LRRN1: variants seen among roughly 807,000 people sequenced by gnomAD.
The protein encoded by LRRN1 is leucine-rich repeat neuronal protein 1.
LRRN1 carries 14 observed loss-of-function variants against 45.8 expected under a neutral mutation model. The observed-to-expected ratio is 0.31, with a 90% confidence interval of 0.20 to 0.48. The LOEUF (loss-of-function observed/expected upper bound fraction) is 0.48, where lower values mean the gene tolerates loss of function less well. LRRN1 is among the 20% of genes least tolerant of loss of function. LRRN1 has a pLI of 0.99. For missense variants in LRRN1, 789 were observed against 874.2 expected, an observed-to-expected ratio of 0.90 and a Z score of 1.23; for synonymous variants, 359 against 330.1, an observed-to-expected ratio of 1.09 and a Z score of -0.95.
At chr3:3,844,189 G>A (rs1251557997) in intron 1 of LRRN1, among the ~76,000 whole-genome samples, 175 bp from the exon 2 acceptor site, 2 of 152,010 alleles carry the variant, frequency 1.3e-5, no homozygotes, top group Non-Finnish European at 2.9e-5. Context: ...ATAGTAAGTG[G>A]GATATAGTAA....
At chr3:3,820,200 G>A (rs1471738094) in intron 1 of LRRN1, among the ~76,000 whole-genome samples, 1 of 152,132 alleles carries the variant, frequency 6.6e-6, no homozygotes, top group Non-Finnish European at 1.5e-5. Flanking sequence ...CATTGTCCAA[G>A]AATGTGATCT....
chr3:3,846,711 T>G lies in LRRN1; in HGVS notation c.2070T>G (p.Gly690=), dbSNP rs775958408. 6.9e-5 allele frequency: 111 copies of G among 1,613,790 alleles called. 1 individual carries two copies. The highest frequency in any genetic ancestry group is 8.8e-5 in the Non-Finnish European group (104 of 1,180,014). Residue 690 remains glycine (G), a synonymous_variant, in exon 2 of 2, where the codon GGT becomes GGG. Transcript: ENST00000319331. This position sits in a 1 kb window ranked among gnomAD's most constrained non-coding sequence, Gnocchi z 5.7. ...CACCACTCATTAACCTCTGGGAAGGTGACAGCGAGAAAGACAAAGATGGTT... is the reference window on the plus strand; with the variant it reads ...CACCACTCATTAACCTCTGGGAAGGGGACAGCGAGAAAGACAAAGATGGTT... ...LYPPLINLWE[G]DSEKDKDGSA...
chr3:3,803,234 G>C (rs1313821661), intron 1 of LRRN1, among the ~76,000 whole-genome samples: 4 of 152,100 alleles, frequency 2.6e-5, no homozygotes, highest in African/African-American at 7.2e-5. Flanking sequence ...GAATATACTA[G>C]GTACTAAAGA....
chr3:3,819,070 T>A (rs1171524922), intron 1 of LRRN1, among the ~76,000 whole-genome samples: 2 of 152,082 alleles, frequency 1.3e-5, no homozygotes, highest in Non-Finnish European at 2.9e-5. Context: ...CACAGCTCAC[T>A]TGCAGCCTTG....
Position 3,844,827 on chromosome 3 carries a change from C to T in LRRN1, c.186C>T (p.Arg62=). 1 of 1,614,192 alleles carries T rather than the reference C, an allele frequency of 6.2e-7. No individual in the cohort carries two copies. The highest frequency in any genetic ancestry group is 8.5e-7 in the Non-Finnish European group (1 of 1,180,028). Residue 62 remains arginine, a synonymous_variant, in exon 2 of 2, where the codon CGC becomes CGT. Coordinates refer to ENST00000319331, the MANE Select transcript of LRRN1 (RefSeq NM_020873.7). ...CCACTGTTGATTGCAATGACCTCCG[C>T]TTAACAAGGATTCCCAGTAACCTCT... ...EATTVDCNDL[R]LTRIPSNLSS...
At chr3:3,836,749 G>C (rs1317539528) in intron 1 of LRRN1, among the ~76,000 whole-genome samples, 1 of 152,138 alleles carries the variant, frequency 6.6e-6, no homozygotes, top group Non-Finnish European at 1.5e-5. Flanking sequence ...GGGATATGGG[G>C]GGTGGTACAA....
intron 1 of LRRN1, among the ~76,000 whole-genome samples, chr3:3,820,647 T>C (rs550779698): frequency 1.3e-5 from 2 of 152,302 alleles, no homozygotes; most frequent in East Asian, 3.9e-4. Flanking sequence ...ACTTTACGAG[T>C]CCATACACCT....
At chr3:3,826,209 A>T (rs1002469575) in intron 1 of LRRN1, among the ~76,000 whole-genome samples, 1 of 152,192 alleles carries the variant, frequency 6.6e-6, no homozygotes, top group African/African-American at 2.4e-5. Context: ...AAGAGGAAGA[A>T]AAAAGAAGGG....
At chr3:3,803,578 G>T (rs1469341339) in intron 1 of LRRN1, among the ~76,000 whole-genome samples, 5 of 152,114 alleles carry the variant, frequency 3.3e-5, no homozygotes, top group Admixed American at 3.3e-4. Flanking sequence ...AAATTCCATT[G>T]TAGAATCATA....
chr3:3,813,819 CCCAGCAGGGAGGGAA>C (rs1692932071), intron 1 of LRRN1, among the ~76,000 whole-genome samples: 1 of 152,098 alleles, frequency 6.6e-6, no homozygotes, highest in African/African-American at 2.4e-5. Flanking sequence ...TGCCTATTGA[CCCAGCAGGGAGGGAA>C]CCAGGAGGAG....
At chr3:3,820,772 C>G (rs950714683) in intron 1 of LRRN1, among the ~76,000 whole-genome samples, 6 of 152,180 alleles carry the variant, frequency 3.9e-5, no homozygotes, top group African/African-American at 1.2e-4. Context: ...CACTTGCAGG[C>G]TAGTCACTGT....
At chr3:3,811,649 G>A (rs750754585) in intron 1 of LRRN1, among the ~76,000 whole-genome samples, 1 of 152,126 alleles carries the variant, frequency 6.6e-6, no homozygotes, top group African/African-American at 2.4e-5. Flanking sequence ...ATAGAAAGTT[G>A]AACTCATTTG....
At chr3:3,826,641 A>C (rs1464129916) in intron 1 of LRRN1, among the ~76,000 whole-genome samples, 3 of 152,104 alleles carry the variant, frequency 2.0e-5, no homozygotes, top group East Asian at 3.9e-4. Context: ...TCTTCCTCTC[A>C]TACGACCCTC....
rs1693643777 is a variant in LRRN1 at position 3,841,167 on chromosome 3, T to C, written c.-278-3197T>C. On this transcript the variant is annotated intron_variant, in intron 1 of 1. Coordinates refer to ENST00000319331, the MANE Select transcript of LRRN1 (RefSeq NM_020873.7). ...ACAATTAGGTGTGGTGGCACGTGCC[T>C]GTAGTCCCAGCTACTCACAAGGCTA... 2.0e-5 allele frequency among the ~76,000 whole-genome samples: 3 copies of C among 151,888 alleles called. No individual in the cohort carries two copies. The South Asian group carries it at 6.2e-4, about 32-fold the overall frequency.
chr3:3,800,247 G>C (rs1176885622), intron 1 of LRRN1, among the ~76,000 whole-genome samples: 8 of 152,060 alleles, frequency 5.3e-5, no homozygotes. Flanking sequence ...GATTTCAGGG[G>C]CCGACCAGGG....
At chr3:3,836,578 G>A (rs753651606) in intron 1 of LRRN1, among the ~76,000 whole-genome samples, 3 of 152,158 alleles carry the variant, frequency 2.0e-5, no homozygotes, top group Non-Finnish European at 2.9e-5. Flanking sequence ...GTTTGTGTGT[G>A]TGTATGTAGT....
chr3:3,814,059 G>C (rs138675608), intron 1 of LRRN1, among the ~76,000 whole-genome samples: 1 of 151,750 alleles, frequency 6.6e-6, no homozygotes, highest in African/African-American at 2.4e-5. Context: ...TGCCTCTCTA[G>C]TTATATTTCC....
intron 1 of LRRN1, among the ~76,000 whole-genome samples, chr3:3,815,577 AAACT>A (rs1262312571): frequency 3.9e-5 from 6 of 152,194 alleles, no homozygotes; most frequent in African/African-American, 7.2e-5. Context: ...AAGTGAAAAT[AAACT>A]AACTACTTGC....
intron 1 of LRRN1, among the ~76,000 whole-genome samples, chr3:3,802,464 C>T (rs1022579777): frequency 4.6e-5 from 7 of 152,262 alleles, no homozygotes; most frequent in Non-Finnish European, 8.8e-5. Context: ...ACCCCCCCAA[C>T]CCCCGCCAGA....
Sources: gnomAD v4.1 joint callset for allele counts (sites outside exome capture counted in the v4.1 genomes callset) on GRCh38, gnomAD v4.1.1 for gene constraint, Gnocchi (gnomAD v3.1) non-coding constraint, MANE v1.5 for transcripts, NCBI Gene and HGNC (gene_info 2026-07-23, HGNC 2026-07-21) for gene names.